Variants in SLC7A9 observed in about 807,000 individuals in gnomAD.
SLC7A9 encodes the protein solute carrier family 7 member 9.
SLC7A9 carries 38 observed loss-of-function variants against 54.1 expected under a neutral mutation model. The observed-to-expected ratio is 0.70, with a 90% CI of 0.54 to 0.92. The LOEUF is 0.92. Among genes scored for constraint, SLC7A9 ranks in the 40% least tolerant of loss-of-function variants. SLC7A9 has a pLI of 0.00. For missense variants in SLC7A9, 537 were observed against 636.1 expected (o/e 0.84, Z 1.68); for synonymous variants, 264 against 258.9 (o/e 1.02, Z -0.19).
chr19:32,853,113 G>T (rs1849554538), intron 9 of SLC7A9, among the ~76,000 whole-genome samples: 4 of 152,076 alleles, frequency 2.6e-5, no homozygotes, highest in Admixed American at 2.6e-4. Flanking sequence ...GTTTCACCAT[G>T]TTGGCCAGGC....
At chr19:32,842,463 C>T (rs1049884638) in intron 10 of SLC7A9, 146 bp from the exon 11 acceptor site, 11 of 766,130 alleles carry the variant, frequency 1.4e-5, no homozygotes, top group Non-Finnish European at 1.8e-5. Context: ...TGGGGTTAAA[C>T]CTGACTTTGG....
Position 32,864,193 on chromosome 19 carries a change from G to A in SLC7A9, c.381C>T (p.Ile127=). Residue 127 remains isoleucine (I), a synonymous_variant, in exon 4 of 13, where the codon ATC becomes ATT. Transcript: ENST00000023064. ...LIVIKPTSFA[I]ICLSFSEYVC... ...CATACTCGGAGAAGCTGAGGCAGAT[G>A]ATGGCGAAGGACGTGGGCTTAATGA... The A allele has an allele frequency of 3.1e-6, 5 of 1,614,260 alleles. No individual in the cohort carries two copies. Among genetic ancestry groups the A allele is most frequent in the Non-Finnish European group, 4.2e-6 (5 of 1,180,036 alleles).
rs551245290 is a variant in SLC7A9 at position 32,860,278 on chromosome 19, C to T, written c.750-314G>A. The T allele has an allele frequency of 2.4e-5, 33 of 1,392,572 alleles. No homozygotes were observed. The East Asian group carries it at 2.9e-4, about 12-fold the overall frequency. 86.3% of individuals were successfully genotyped at this position (1,392,572 alleles called of 1,614,324 possible). ...AGCTCATAAGAAACCATTCGCTGGC[C>T]GGGTGCAGTGGCTCACACCTGTAAT... On this transcript the variant is annotated intron_variant, in intron 7 of 12. Coordinates refer to ENST00000023064, the MANE Select transcript of SLC7A9 (RefSeq NM_014270.5).
intron 7 of SLC7A9, 95 bp from the exon 8 acceptor site, chr19:32,860,059 G>T (rs534892263): frequency 6.2e-7 from 1 of 1,606,466 alleles, no homozygotes; most frequent in South Asian, 1.1e-5. Flanking sequence ...GAGAAGATTC[G>T]CAGGTAGCAG....
rs140179068 is a variant in SLC7A9 at position 32,864,744 on chromosome 19, C to A, written c.120G>T (p.Val40=). 6 of 1,614,054 alleles carry A rather than the reference C, an allele frequency of 3.7e-6. No individual in the cohort carries two copies. Among genetic ancestry groups the A allele is most frequent in the Non-Finnish European group, 4.2e-6 (5 of 1,180,046 alleles). ...AGATCCCAGAGCCAATGATGGTGCC[C>A]ACGATGATGGAGATGCCACTGATGA... ...LGLISGISII[V]GTIIGSGIFV... The change falls in exon 3 of 13, where the codon GTG becomes GTT. Residue 40 remains valine, a synonymous_variant. Coordinates refer to ENST00000023064, the MANE Select transcript of SLC7A9 (RefSeq NM_014270.5).
At chr19:32,851,267 C>G (rs1439177160) in intron 9 of SLC7A9, among the ~76,000 whole-genome samples, 1 of 151,604 alleles carries the variant, frequency 6.6e-6, no homozygotes, top group Admixed American at 6.6e-5. Flanking sequence ...ATTTTCGCAA[C>G]CTACTCATCT....
chr19:32,865,738 A>C (rs1324525517), intron 2 of SLC7A9, among the ~76,000 whole-genome samples: 2 of 152,282 alleles, frequency 1.3e-5, no homozygotes, highest in East Asian at 3.9e-4. Flanking sequence ...TGGGAGGCCG[A>C]GGCAGGCGGA....
intron 10 of SLC7A9, 34 bp downstream of exon 10, chr19:32,843,821 T>C (rs772570090): frequency 6.5e-7 from 1 of 1,544,720 alleles, no homozygotes; most frequent in South Asian, 1.1e-5. Context: ...TGTCCCCGCC[T>C]TGAAGATAGG....
At chr19:32,845,029 T>C (rs991272713) in intron 9 of SLC7A9, among the ~76,000 whole-genome samples, 4 of 151,378 alleles carry the variant, frequency 2.6e-5, no homozygotes, top group African/African-American at 9.7e-5. Flanking sequence ...CTGGGCATGG[T>C]GGTGGGCGCC....
At chr19:32,851,723 T>C (rs1968472658) in intron 9 of SLC7A9, among the ~76,000 whole-genome samples, 1 of 152,186 alleles carries the variant, frequency 6.6e-6, no homozygotes, top group African/African-American at 2.4e-5. Flanking sequence ...CATGCACACG[T>C]ATGTTTATTG....
chr19:32,858,138 T>G (rs1852312565), intron 9 of SLC7A9, among the ~76,000 whole-genome samples: 1 of 152,172 alleles, frequency 6.6e-6, no homozygotes, highest in African/African-American at 2.4e-5. Context: ...CGGTGTCGCT[T>G]CCCTTCGCCT....
intron 9 of SLC7A9, among the ~76,000 whole-genome samples, chr19:32,857,445 AAATT>A (rs1472282766): frequency 2.0e-5 from 3 of 151,832 alleles, no homozygotes; most frequent in Admixed American, 2.0e-4. Flanking sequence ...CCTTGCCTCA[AAATT>A]AATTAGTTAA....
chr19:32,840,911 G>C (rs1968109987), intron 11 of SLC7A9, among the ~76,000 whole-genome samples: 1 of 152,198 alleles, frequency 6.6e-6, no homozygotes, highest in African/African-American at 2.4e-5. Flanking sequence ...TCCTTGATTT[G>C]TGTTGACAAT....
At chr19:32,857,997 A>T (rs1968677227) in intron 9 of SLC7A9, among the ~76,000 whole-genome samples, 1 of 152,198 alleles carries the variant, frequency 6.6e-6, no homozygotes, top group Admixed American at 6.5e-5. Context: ...GTTATTTATT[A>T]ATTTGCTAAT....
At chr19:32,832,612 A>C (rs1967836180) in intron 12 of SLC7A9, among the ~76,000 whole-genome samples, 1 of 145,558 alleles carries the variant, frequency 6.9e-6, no homozygotes, top group Admixed American at 6.9e-5. Context: ...AAAGAAAGAA[A>C]GAAAGAAAAA....
chr19:32,845,719 G>C (rs1302369201), intron 9 of SLC7A9, among the ~76,000 whole-genome samples: 1 of 152,134 alleles, frequency 6.6e-6, no homozygotes, highest in Non-Finnish European at 1.5e-5. Flanking sequence ...AACTTCTAAA[G>C]AATTGAGGCC....
intron 12 of SLC7A9, among the ~76,000 whole-genome samples, chr19:32,832,601 A>AG (rs1555780797): frequency 1.4e-5 from 2 of 144,568 alleles, no homozygotes; most frequent in Non-Finnish European, 3.0e-5. Context: ...AAAAAAAAAA[A>AG]AAAGAAAGAA....
intron 12 of SLC7A9, 160 bp downstream of exon 12, chr19:32,832,989 G>C: frequency 1.3e-6 from 1 of 750,414 alleles, no homozygotes; most frequent in Non-Finnish European, 2.4e-6. Context: ...GGTGGACCCA[G>C]AGGTGTACAG....
At chr19:32,856,677 C>G (rs554649101) in intron 9 of SLC7A9, among the ~76,000 whole-genome samples, 26 of 152,242 alleles carry the variant, frequency 1.7e-4, no homozygotes, top group African/African-American at 6.0e-4. Flanking sequence ...GTGATCGTGG[C>G]CCACTGCAGC....
Sources: gnomAD v4.1 joint callset for allele counts (sites outside exome capture counted in the v4.1 genomes callset) on GRCh38, gnomAD v4.1.1 for gene constraint, MANE v1.5 for transcripts, NCBI Gene and HGNC (gene_info 2026-07-23, HGNC 2026-07-21) for gene names.